DPYD: variants seen among roughly 807,000 people sequenced by gnomAD.
DPYD encodes dihydropyrimidine dehydrogenase.
Under a neutral mutation model 116.2 loss-of-function variants are expected in DPYD, and 109 were observed. That is an observed-to-expected ratio of 0.94 (90% CI 0.80 to 1.10). The LOEUF is 1.10. Ranked by LOEUF, DPYD falls within the 50% of genes least tolerant of loss-of-function variation. The pLI, the probability that DPYD is intolerant of heterozygous loss-of-function variation, is 0.00. For synonymous variants in DPYD, 440 were observed against 432.0 expected (o/e 1.02, Z -0.23); for missense variants, 1,302 against 1,254.5 (o/e 1.04, Z -0.57).
intron 16 of DPYD, among the ~76,000 whole-genome samples, chr1:97,337,327 C>T (rs896295760): frequency 4.6e-5 from 7 of 152,246 alleles, no homozygotes; most frequent in South Asian, 4.1e-4. Context: ...AAGTACAATG[C>T]CGAGCAGAAA....
intron 2 of DPYD, among the ~76,000 whole-genome samples, chr1:97,879,926 T>C (rs570867018): frequency 1.2e-4 from 18 of 151,914 alleles, no homozygotes; most frequent in African/African-American, 4.3e-4. Flanking sequence ...GAGAGGACTA[T>C]ATAATGCCTC....
chr1:97,829,085 T>G (rs1669395129), intron 2 of DPYD, among the ~76,000 whole-genome samples: 2 of 151,910 alleles, frequency 1.3e-5, no homozygotes, highest in African/African-American at 4.8e-5. Flanking sequence ...GCACCCTAGA[T>G]TTCTTATGGA....
Position 97,541,180 on chromosome 1 carries a change from G to A in DPYD, c.1524+8380C>T, listed in dbSNP as rs935292933. Among the ~76,000 whole-genome samples the A allele has an allele frequency of 3.9e-5, 6 of 152,220 alleles. No homozygotes were observed. In the East Asian group the frequency reaches 1.2e-3, roughly 29 times the overall value. On this transcript the variant is annotated intron_variant, in intron 12 of 22. Coordinates refer to ENST00000370192, the MANE Select transcript of DPYD (RefSeq NM_000110.4). The stretch of plus-strand genomic sequence containing the variant: ...ACCTACGAAATTTCTGCTTTTATTA[G>A]TTGAGTTGTCTACTTATCAAGAGTC...
At chr1:97,428,924 G>A (rs1402885088) in intron 14 of DPYD, among the ~76,000 whole-genome samples, 2 of 151,428 alleles carry the variant, frequency 1.3e-5, no homozygotes, top group Non-Finnish European at 2.9e-5. Flanking sequence ...TAGATTATTA[G>A]GTAAATAGGG....
At chr1:97,650,827 T>C (rs1658539619) in intron 8 of DPYD, among the ~76,000 whole-genome samples, 2 of 151,914 alleles carry the variant, frequency 1.3e-5, no homozygotes, top group South Asian at 4.1e-4. Flanking sequence ...GTTTCCACAG[T>C]GAATAATTCA....
At chr1:97,350,097 C>T (rs1212619696) in intron 16 of DPYD, among the ~76,000 whole-genome samples, 1 of 152,112 alleles carries the variant, frequency 6.6e-6, no homozygotes, top group Non-Finnish European at 1.5e-5. Flanking sequence ...GACCACTCCT[C>T]TTGTAGGCTG....
At chr1:97,336,068 T>C (rs1021610305) in intron 16 of DPYD, among the ~76,000 whole-genome samples, 1 of 152,194 alleles carries the variant, frequency 6.6e-6, no homozygotes, top group Non-Finnish European at 1.5e-5. Context: ...TTATAAAGAA[T>C]ATTCATATTT....
At chr1:97,449,926 A>G in intron 14 of DPYD, 133 bp downstream of exon 14, 1 of 1,152,924 alleles carries the variant, frequency 8.7e-7, no homozygotes, top group Non-Finnish European at 1.2e-6. Flanking sequence ...CTTTCTATGC[A>G]TCAGCAAAGC....
intron 20 of DPYD, among the ~76,000 whole-genome samples, chr1:97,120,647 T>C (rs1314079447): frequency 2.6e-5 from 4 of 152,258 alleles, no homozygotes; most frequent in Middle Eastern, 3.4e-3. Context: ...AATAGGAAAA[T>C]GTGAAAATGC....
intron 18 of DPYD, among the ~76,000 whole-genome samples, chr1:97,236,740 G>A (rs545022740): frequency 3.3e-5 from 5 of 152,218 alleles, no homozygotes; most frequent in Admixed American, 1.3e-4. Context: ...TGTAAAGTTC[G>A]GACTTTGGGT....
chr1:97,529,376 G>T (rs1649389489), intron 12 of DPYD, among the ~76,000 whole-genome samples: 1 of 152,136 alleles, frequency 6.6e-6, no homozygotes, highest in African/African-American at 2.4e-5. Flanking sequence ...TTTAAAAAAA[G>T]TAGTCTATTT....
intron 19 of DPYD, among the ~76,000 whole-genome samples, chr1:97,217,765 A>C (rs549784516): frequency 6.6e-6 from 1 of 152,298 alleles, no homozygotes; most frequent in East Asian, 1.9e-4. Flanking sequence ...AAGCAGTCTT[A>C]GGGCTGGACC....
chr1:97,811,846 A>C (rs1000802429), intron 3 of DPYD, among the ~76,000 whole-genome samples: 1 of 151,696 alleles, frequency 6.6e-6, no homozygotes, highest in African/African-American at 2.4e-5. Flanking sequence ...TTAATTATCA[A>C]TCACAGATAA....
chr1:97,362,215 G>C (rs1295124165), intron 16 of DPYD, among the ~76,000 whole-genome samples: 1 of 152,144 alleles, frequency 6.6e-6, no homozygotes, highest in Non-Finnish European at 1.5e-5. Flanking sequence ...TTGCTACAGA[G>C]AATAAAATAC....
intron 3 of DPYD, among the ~76,000 whole-genome samples, chr1:97,819,055 T>G (rs1027097479): frequency 2.0e-5 from 3 of 152,020 alleles, no homozygotes; most frequent in African/African-American, 7.2e-5. Context: ...CTTTTGTCTT[T>G]TGATTTCAAA....
intron 18 of DPYD, among the ~76,000 whole-genome samples, chr1:97,269,948 T>C (rs1169100068): frequency 1.3e-5 from 2 of 152,186 alleles, no homozygotes; most frequent in African/African-American, 2.4e-5. Flanking sequence ...AAGATTTAAT[T>C]GCCCAAATTC....
At chr1:97,399,055 T>C (rs959304087) in intron 14 of DPYD, among the ~76,000 whole-genome samples, 1 of 152,220 alleles carries the variant, frequency 6.6e-6, no homozygotes, top group African/African-American at 2.4e-5. Context: ...GCCTAGGTTT[T>C]TGTCTAGGGT....
chr1:97,792,529 C>T (rs1019283494), intron 3 of DPYD, among the ~76,000 whole-genome samples: 2 of 152,120 alleles, frequency 1.3e-5, no homozygotes, highest in East Asian at 1.9e-4. Context: ...GGATTACAGG[C>T]GTGAGCCACC....
intron 2 of DPYD, among the ~76,000 whole-genome samples, chr1:97,875,023 CATA>C (rs1161969721): frequency 4.6e-5 from 7 of 151,808 alleles, no homozygotes; most frequent in Non-Finnish European, 8.8e-5. Context: ...ACCACAATGA[CATA>C]ATGATTCATT....
Sources: gnomAD v4.1 joint callset for allele counts (sites outside exome capture counted in the v4.1 genomes callset) on GRCh38, gnomAD v4.1.1 for gene constraint, MANE v1.5 for transcripts, NCBI Gene and HGNC (gene_info 2026-07-23, HGNC 2026-07-21) for gene names.